Variants in CES5A observed in about 807,000 individuals in gnomAD.
CES5A encodes the protein carboxylesterase 5.
A neutral mutation model predicts 62.9 loss-of-function variants in CES5A; 67 were observed. The ratio of observed to expected loss-of-function variants is 1.07; its 90% CI spans 0.88 to 1.31. CES5A has a LOEUF of 1.31. Among genes scored for constraint, CES5A ranks in the 50% most tolerant of loss-of-function variants. The pLI is 0.00. For synonymous variants in CES5A, 296 were observed against 280.8 expected (o/e 1.05, Z -0.54); for missense variants, 748 against 708.5 (o/e 1.06, Z -0.63).
intron 2 of CES5A, among the ~76,000 whole-genome samples, chr16:55,935,091 C>T (rs1157012690): frequency 6.6e-6 from 1 of 152,146 alleles, no homozygotes; most frequent in African/African-American, 2.4e-5. Context: ...TACAGGTGTG[C>T]ACCACCACGC....
intron 1 of CES5A, among the ~76,000 whole-genome samples, chr16:55,887,835 G>A (rs56398441): frequency 0.23 from 35,184 of 152,082 alleles, 5,069 homozygotes; most frequent in Non-Finnish European, 0.32. Flanking sequence ...AAAATATGTT[G>A]CAAGGGAGCA....
chr16:55,860,326 T>C (rs1422676912), intron 7 of CES5A, among the ~76,000 whole-genome samples: 1 of 152,186 alleles, frequency 6.6e-6, no homozygotes, highest in Non-Finnish European at 1.5e-5. Flanking sequence ...GAGACTAATA[T>C]AGCCTAGCCC....
intron 1 of CES5A, chr16:55,949,973 C>A (rs978818097): frequency 1.8e-5 from 11 of 623,112 alleles, no homozygotes; most frequent in Non-Finnish European, 2.7e-5. Context: ...TATAATATAA[C>A]CAATACAGCA....
intron 5 of CES5A, among the ~76,000 whole-genome samples, chr16:55,864,633 G>A (rs529681935): frequency 2.6e-5 from 4 of 152,284 alleles, no homozygotes; most frequent in African/African-American, 9.6e-5. Context: ...AGTGGCTCAC[G>A]CCTGTAATCC....
Position 55,846,660 on chromosome 16 carries a change from A to G in CES5A, c.1519T>C (p.Ser507Pro), listed in dbSNP as rs2033017693. ...GTCAGATTATAAGCTGGCCACAGAG[A>G]CAGGTCGTTCCCATTAGGATTCCTA... The part of the protein sequence containing the change: ...RTGNPNGNDL[S>P]LWPAYNLTEQ... Residue 507 changes from serine to proline, a missense_variant, in exon 13 of 13, where the codon TCT becomes CCT. Physicochemically the swap from Ser to Pro is moderately conservative, Grantham distance 74. Transcript: ENST00000290567. 2 of 1,614,090 alleles carry G rather than the reference A, an allele frequency of 1.2e-6. No individual in the cohort carries two copies. The highest frequency in any genetic ancestry group is 2.2e-5 in the East Asian group (1 of 44,866).
Position 55,866,681 on chromosome 16 carries a change from C to CA in CES5A, c.552-566dup, listed in dbSNP as rs1287845742. On this transcript the variant is annotated intron_variant, in intron 4 of 12. Coordinates refer to ENST00000290567, the MANE Select transcript of CES5A (RefSeq NM_001143685.2). ...GCTAAAAAAAAAAAAAAAAAAAATA[C>CA]AAAAAAATTAGCTGGACACGGTGGC... Among the ~76,000 whole-genome samples the CA allele has an allele frequency of 5.0e-3, 492 of 98,412 alleles. 34 individuals are homozygous for CA. The highest frequency in any genetic ancestry group is 0.027 in the Middle Eastern group (5 of 182). 64.6% of individuals were successfully genotyped at this position (98,412 alleles called of 152,430 possible).
At position 55,859,419 on chromosome 16, in the gene CES5A, C is replaced by T. The variant is rs539815446; in HGVS notation, c.1056+128G>A. The T allele has an allele frequency of 3.0e-4, 252 of 845,880 alleles. 5 individuals carry two copies. The South Asian group carries it at 4.4e-3, about 15-fold the overall frequency. The allele number at this position is 845,880 out of a possible 1,614,324, so 52.4% of individuals were successfully genotyped here. ...CTTTCAGAGAGAGTAAAGGTGATCA[C>T]TGTGTGCTTGGCTGGTGGGCTCCAG... On this transcript the variant is annotated intron_variant, in intron 8 of 12. Transcript: ENST00000290567.
At chr16:55,890,229 A>G (rs2033862477) in intron 1 of CES5A, among the ~76,000 whole-genome samples, 1 of 91,036 alleles carries the variant, frequency 1.1e-5, no homozygotes, top group African/African-American at 2.8e-5. Flanking sequence ...AGACAACTTG[A>G]AAAAAAAAAT....
chr16:55,861,512 T>G lies in CES5A; in HGVS notation c.815A>C (p.Gln272Pro), dbSNP rs1255067440. 2 of 1,609,042 alleles carry G rather than the reference T, an allele frequency of 1.2e-6. No individual in the cohort carries two copies. Among genetic ancestry groups the G allele is most frequent in the Non-Finnish European group, 1.7e-6 (2 of 1,175,522 alleles). Residue 272 changes from glutamine (Q) to proline (P), a missense_variant, in exon 7 of 13, where the codon CAG (glutamine) becomes CCG (proline). Physicochemically the swap from Gln to Pro is moderately conservative, Grantham distance 76. Coordinates refer to ENST00000290567, the MANE Select transcript of CES5A (RefSeq NM_001143685.2). ...AHDYEKSEDL[Q>P]VVAHFCGNNA... Reference sequence around the variant, plus strand: ...GTTACCACAGAAATGTGCAACCACCTGCAGCTATTTTGTAGAGAAGGACCG... The same window carrying G: ...GTTACCACAGAAATGTGCAACCACCGGCAGCTATTTTGTAGAGAAGGACCG...
intron 1 of CES5A, among the ~76,000 whole-genome samples, chr16:55,918,367 T>C (rs1488043176): frequency 6.6e-6 from 1 of 152,162 alleles, no homozygotes; most frequent in African/African-American, 2.4e-5. Flanking sequence ...AATAAATCCG[T>C]CATTCCATAA....
chr16:55,855,579 C>T (rs1463505249), intron 9 of CES5A, among the ~76,000 whole-genome samples: 2 of 152,182 alleles, frequency 1.3e-5, no homozygotes, highest in East Asian at 3.8e-4. Context: ...AGCACCTATG[C>T]TGCGTGTTAT....
intron 1 of CES5A, among the ~76,000 whole-genome samples, chr16:55,911,612 T>C (rs2034093466): frequency 6.6e-6 from 1 of 152,228 alleles, no homozygotes; most frequent in African/African-American, 2.4e-5. Flanking sequence ...TGAAGTATCA[T>C]ATGAGCAAAC....
At chr16:55,847,430 C>T (rs1408280157) in intron 11 of CES5A, among the ~76,000 whole-genome samples, 1 of 151,884 alleles carries the variant, frequency 6.6e-6, no homozygotes, top group African/African-American at 2.4e-5. Context: ...CACATTTTTA[C>T]AATTAATTTT....
intron 1 of CES5A, among the ~76,000 whole-genome samples, chr16:55,922,291 C>T (rs1348907896): frequency 1.3e-5 from 2 of 151,814 alleles, no homozygotes; most frequent in Non-Finnish European, 2.9e-5. Context: ...TATTTGCTGC[C>T]TATAAGAAAC....
At chr16:55,955,933 C>T in exon 1 of CES5A, 1 of 1,531,162 alleles carries the variant, frequency 6.5e-7, no homozygotes, top group Non-Finnish European at 8.8e-7. Context: ...CCCAGCTGGC[C>T]TTGACACAGA....
chr16:55,949,103 A>T (rs1047359074), intron 2 of CES5A, among the ~76,000 whole-genome samples: 20 of 152,214 alleles, frequency 1.3e-4, no homozygotes, highest in African/African-American at 4.6e-4. Context: ...GATACACGTA[A>T]TAATTCTCAG....
At chr16:55,954,779 A>G (rs1434659865) in intron 1 of CES5A, among the ~76,000 whole-genome samples, 1 of 152,146 alleles carries the variant, frequency 6.6e-6, no homozygotes, top group African/African-American at 2.4e-5. Flanking sequence ...TCTCTTCTAC[A>G]TACAATCCCT....
chr16:55,913,350 G>A (rs942290599), intron 1 of CES5A, among the ~76,000 whole-genome samples: 1 of 152,146 alleles, frequency 6.6e-6, no homozygotes, highest in Non-Finnish European at 1.5e-5. Flanking sequence ...AATATCTCAA[G>A]CACTGGTCTT....
chr16:55,873,638 G>C (rs546749005), intron 2 of CES5A, among the ~76,000 whole-genome samples, 195 bp downstream of exon 2: 1 of 152,170 alleles, frequency 6.6e-6, no homozygotes, highest in Non-Finnish European at 1.5e-5. Context: ...TATTTTTAAA[G>C]ATGCCTCCAG....
Sources: gnomAD v4.1 joint callset for allele counts (sites outside exome capture counted in the v4.1 genomes callset) on GRCh38, gnomAD v4.1.1 for gene constraint, MANE v1.5 for transcripts, NCBI Gene and HGNC (gene_info 2026-07-23, HGNC 2026-07-21) for gene names.